The following GRM5 variants were observed in gnomAD, a reference collection of about 807,000 sequenced individuals.
The protein encoded by GRM5 is metabotropic glutamate receptor 5.
GRM5 carries 19 observed loss-of-function variants against 83.1 expected under a neutral mutation model. That is an observed-to-expected ratio of 0.23 (90% CI 0.16 to 0.34). The LOEUF is 0.34. GRM5 is among the 10% of genes least tolerant of loss of function. The pLI is 1.00. For synonymous variants in GRM5, 675 were observed against 633.6 expected (o/e 1.07, Z -0.98); for missense variants, 1,160 against 1,588.3 (o/e 0.73, Z 4.58).
intron 4 of GRM5, among the ~76,000 whole-genome samples, chr11:88,637,158 A>C (rs1042640213): frequency 6.6e-6 from 1 of 152,132 alleles, no homozygotes; most frequent in Non-Finnish European, 1.5e-5. Context: ...GGCCATTTTC[A>C]TGATATAAAG....
At chr11:88,646,045 T>A (rs1228872530) in intron 4 of GRM5, among the ~76,000 whole-genome samples, 1 of 152,034 alleles carries the variant, frequency 6.6e-6, no homozygotes, top group East Asian at 1.9e-4. Flanking sequence ...AAGTTTGAGA[T>A]GCTTTTAGGA....
rs369951090 is a variant in GRM5 at position 88,928,907 on chromosome 11, T to TATATATATATACACACACAC, written c.662-78753_662-78752insGTGTGTGTGTATATATATAT. Among the ~76,000 whole-genome samples the TATATATATATACACACACAC allele has an allele frequency of 2.2e-5, 3 of 138,760 alleles. No individual in the cohort carries two copies. The East Asian group carries it at 6.3e-4, about 29-fold the overall frequency. The allele number at this position is 138,760 out of a possible 152,430, so 91.0% of individuals were successfully genotyped here. On this transcript the variant is annotated intron_variant, in intron 2 of 9. Coordinates refer to ENST00000305447, the MANE Select transcript of GRM5 (RefSeq NM_001143831.3). ...GTTTGTACCTATGTGTATGTGTATA[T>TATATATATATACACACACAC]ACACACACACACACACACACACACA...
chr11:88,746,325 G>A (rs1371271759), intron 3 of GRM5, among the ~76,000 whole-genome samples: 1 of 152,090 alleles, frequency 6.6e-6, no homozygotes, highest in Non-Finnish European at 1.5e-5. Context: ...ACACTGTAAA[G>A]TAGTTTTTCC....
At chr11:89,049,850 T>C (rs1440296653) in intron 1 of GRM5, among the ~76,000 whole-genome samples, 2 of 152,216 alleles carry the variant, frequency 1.3e-5, no homozygotes, top group African/African-American at 2.4e-5. Flanking sequence ...ATTTGAATAT[T>C]ACCAAACCTT....
At chr11:89,004,614 G>A (rs1435704606) in intron 2 of GRM5, among the ~76,000 whole-genome samples, 1 of 152,100 alleles carries the variant, frequency 6.6e-6, no homozygotes, top group Non-Finnish European at 1.5e-5. Flanking sequence ...GTTGAAAGTG[G>A]GCATGCACAA....
At chr11:88,835,020 A>G (rs1944067282) in intron 3 of GRM5, among the ~76,000 whole-genome samples, 2 of 152,166 alleles carry the variant, frequency 1.3e-5, no homozygotes, top group Non-Finnish European at 2.9e-5. Context: ...AATATCTACA[A>G]TGTGTTAGGT....
rs752642683 is a variant in GRM5, at chr11:88,567,714, T to C, written c.1969A>G (p.Met657Val). Residue 657 changes from methionine to valine, a missense_variant, in exon 8 of 10, where the codon ATG (methionine) becomes GTG (valine). Around this residue, in one of 9 missense-constraint regions of GRM5, gnomAD observed 132 missense variants for 245.5 expected, o/e 0.54. Coordinates refer to ENST00000305447, the MANE Select transcript of GRM5 (RefSeq NM_001143831.3). The surrounding 1 kb of genome is among the most constrained non-coding windows in gnomAD (Gnocchi z 7.3). ...TTTGTTACAAGGGCTGAGTAGCTCA[T>C]GGCTGGGGAGAGACCAATGCCAATT... ...QRIGIGLSPA[M>V]SYSALVTKTN... 2 of 1,614,132 alleles carry C rather than the reference T, an allele frequency of 1.2e-6. No homozygotes were observed. Among genetic ancestry groups the C allele is most frequent in the African/African-American group, 1.3e-5 (1 of 75,074 alleles).
intron 3 of GRM5, among the ~76,000 whole-genome samples, chr11:88,736,933 C>T (rs1192178601): frequency 7.9e-5 from 12 of 152,046 alleles, no homozygotes; most frequent in South Asian, 2.1e-4. Flanking sequence ...GCAGGCTTGT[C>T]GCACAGCCTC....
At chr11:88,531,777 C>T (rs1942014695) in intron 8 of GRM5, among the ~76,000 whole-genome samples, 1 of 152,128 alleles carries the variant, frequency 6.6e-6, no homozygotes, top group Non-Finnish European at 1.5e-5. Flanking sequence ...GCTTATCCTG[C>T]TCCAGGTTTT....
chr11:88,591,324 T>C (rs1169990430), intron 6 of GRM5, among the ~76,000 whole-genome samples: 2 of 152,178 alleles, frequency 1.3e-5, no homozygotes, highest in African/African-American at 2.4e-5. Context: ...TCTTTCCTAT[T>C]TTGGTAGCCT....
chr11:88,670,211 A>G (rs1400088122), intron 3 of GRM5, among the ~76,000 whole-genome samples: 1 of 152,020 alleles, frequency 6.6e-6, no homozygotes, highest in Non-Finnish European at 1.5e-5. Flanking sequence ...AAGAGTCTTG[A>G]TACTTAATCC....
intron 3 of GRM5, among the ~76,000 whole-genome samples, chr11:88,728,559 G>A (rs796785102): frequency 1.3e-5 from 2 of 152,138 alleles, no homozygotes; most frequent in Admixed American, 6.5e-5. Flanking sequence ...AAACCTGGCA[G>A]AGACACAACA....
chr11:88,518,803 C>T (rs919847759), intron 9 of GRM5, among the ~76,000 whole-genome samples: 3 of 151,304 alleles, frequency 2.0e-5, no homozygotes, highest in African/African-American at 4.9e-5. Context: ...ATTGTAATTT[C>T]CTTTAGGGTG....
At chr11:88,768,778 A>G (rs1942672184) in intron 3 of GRM5, among the ~76,000 whole-genome samples, 2 of 152,106 alleles carry the variant, frequency 1.3e-5, no homozygotes, top group African/African-American at 4.8e-5. Context: ...AGGGGTGATG[A>G]GGAGTTATTG....
At chr11:88,685,123 TGA>T (rs1940587789) in intron 3 of GRM5, among the ~76,000 whole-genome samples, 1 of 152,194 alleles carries the variant, frequency 6.6e-6, no homozygotes, top group Non-Finnish European at 1.5e-5. Context: ...AGAGACTTGC[TGA>T]ATGGCTTTGA....
At chr11:88,608,220 G>A (rs543016152) in intron 4 of GRM5, among the ~76,000 whole-genome samples, 58 of 152,274 alleles carry the variant, frequency 3.8e-4, no homozygotes, top group South Asian at 2.3e-3. Flanking sequence ...ATATGAGTAT[G>A]TTCTGTCACA....
chr11:88,542,602 C>A (rs1942291877), intron 8 of GRM5, among the ~76,000 whole-genome samples: 1 of 152,132 alleles, frequency 6.6e-6, no homozygotes, highest in Non-Finnish European at 1.5e-5. Context: ...AAATGATATA[C>A]TTAAACATAT....
chr11:88,685,460 AC>A (rs1940596199), intron 3 of GRM5, among the ~76,000 whole-genome samples: 1 of 152,160 alleles, frequency 6.6e-6, no homozygotes, highest in South Asian at 2.1e-4. Context: ...GAAAAGAAAA[AC>A]CCATTTTCTA....
chr11:88,568,212 A>T (rs1187971274), intron 7 of GRM5, among the ~76,000 whole-genome samples: 1 of 152,212 alleles, frequency 6.6e-6, no homozygotes, highest in African/African-American at 2.4e-5. Flanking sequence ...GAACTATTCT[A>T]GGTTCTGAAA....
Sources: gnomAD v4.1 joint callset for allele counts (sites outside exome capture counted in the v4.1 genomes callset) on GRCh38, gnomAD v4.1.1 for gene constraint, gnomAD v4.1.1 regional missense constraint, Gnocchi (gnomAD v3.1) non-coding constraint, MANE v1.5 for transcripts, NCBI Gene and HGNC (gene_info 2026-07-23, HGNC 2026-07-21) for gene names.